Variants in JRK observed in about 807,000 individuals in gnomAD.
JRK encodes jerky protein homolog.
For missense variants in JRK, 720 were observed against 509.2 expected (o/e 1.41, Z -3.98); for synonymous variants, 303 against 218.1 (o/e 1.39, Z -3.43).
the JRK span, among the ~76,000 whole-genome samples, chr8:142,649,492 C>T: frequency 6.6e-6 from 1 of 152,236 alleles, no homozygotes; most frequent in Non-Finnish European, 1.5e-5. Flanking sequence ...TTGCCTGCTG[C>T]TATCCATGTA....
rs1355583891 is a variant in JRK at position 142,663,079 on chromosome 8, G to A, written c.*1273C>T. On this transcript the variant is annotated 3_prime_UTR_variant, in exon 2 of 2. Coordinates refer to ENST00000612905, the MANE Select transcript of JRK (RefSeq NM_003724.4). ...GGGGCGGGAGGATCACTCAAGCCAG[G>A]GAGGTCGAGGCTGCAGTGAGCTGGG... 1.2e-6 allele frequency: 1 copy of A among 848,754 alleles called. No homozygotes were observed. Among genetic ancestry groups the A allele is most frequent in the Non-Finnish European group, 1.4e-6 (1 of 705,544 alleles). The allele number at this position is 848,754 out of a possible 1,614,324, so 52.6% of individuals were successfully genotyped here. A position where few individuals can be genotyped will look rare whatever the true frequency, so the allele number is the denominator to read the frequency against.
chr8:142,654,002 G>A (rs1465526845), downstream of JRK, among the ~76,000 whole-genome samples: 1 of 152,192 alleles, frequency 6.6e-6, no homozygotes, highest in East Asian at 1.9e-4. Context: ...TTGGCAGTGG[G>A]CAAGAAGTAC....
downstream of JRK, among the ~76,000 whole-genome samples, chr8:142,654,588 C>T (rs1427522106): frequency 1.3e-5 from 2 of 151,958 alleles, no homozygotes; most frequent in Non-Finnish European, 2.9e-5. Context: ...CACAGACTCC[C>T]ACCAGCCCTC....
downstream of JRK, among the ~76,000 whole-genome samples, chr8:142,653,171 T>C (rs1554633347): frequency 6.6e-6 from 1 of 152,228 alleles, no homozygotes; most frequent in African/African-American, 2.4e-5. Flanking sequence ...ATTTAGTTTG[T>C]AATTTAAATG....
At chr8:142,650,841 AT>A in the JRK span, among the ~76,000 whole-genome samples, 2 of 152,208 alleles carry the variant, frequency 1.3e-5, no homozygotes, top group Admixed American at 1.3e-4. Context: ...TGCAATAACT[AT>A]TTTAGTTAAA....
Position 142,665,477 on chromosome 8 carries a change from C to A in JRK, c.582G>T (p.Arg194=), listed in dbSNP as rs1479855674. The A allele has an allele frequency of 2.8e-6, 2 of 717,904 alleles. No homozygotes were observed. The highest frequency in any genetic ancestry group is 5.2e-6 in the Non-Finnish European group (2 of 385,104). 44.5% of individuals were successfully genotyped at this position (717,904 alleles called of 1,614,324 possible). A position where few individuals can be genotyped will look rare whatever the true frequency, so the allele number is the denominator to read the frequency against. The part of the protein sequence containing the change: ...YNADETGLFW[R]CLPNPTPEGG... The stretch of plus-strand genomic sequence containing the variant: ...CTTCCGGAGTGGGATTTGGCAGGCA[C>A]CGCCAGAAAAGGCCGGTCTCATCAG... The change falls in exon 2 of 2, where the codon CGG becomes CGT. Residue 194 remains arginine (R), a synonymous_variant. Transcript: ENST00000612905.
chr8:142,669,935 G>C lies in JRK; in HGVS notation c.-466C>G, dbSNP rs1260786915. On this transcript the variant is annotated 5_prime_UTR_variant, in exon 1 of 2. Transcript: ENST00000612905. ...CTCAGGCCAGGACCCTACTCACCCT[G>C]CTCACCCGGAGCAGCCGCCGCCGGC... 2 of 153,138 alleles carry C rather than the reference G, an allele frequency of 1.3e-5. No homozygotes were observed. Among genetic ancestry groups the C allele is most frequent in the Non-Finnish European group, 1.5e-5 (1 of 68,318 alleles). 9.5% of individuals were successfully genotyped at this position (153,138 alleles called of 1,614,324 possible). A position where few individuals can be genotyped will look rare whatever the true frequency, so the allele number is the denominator to read the frequency against.
chr8:142,664,475 C>T lies in JRK; in HGVS notation c.1584G>A (p.Val528=). 6.2e-7 allele frequency: 1 copy of T among 1,611,316 alleles called. No homozygotes were observed. The highest frequency in any genetic ancestry group is 8.5e-7 in the Non-Finnish European group (1 of 1,179,078). ...CCCCGAGGGCACCACGCCGCCTCCT[C>T]ACCTGCTGCTGGCTCCGGAACACGG... The part of the protein sequence containing the change: ...LRAVFRSQQQ[V]RRRRGALGAV... The change falls in exon 2 of 2, where the codon GTG becomes GTA. Residue 528 remains valine (V), a synonymous_variant. Coordinates refer to ENST00000612905, the MANE Select transcript of JRK (RefSeq NM_003724.4).
the JRK span, among the ~76,000 whole-genome samples, chr8:142,649,147 A>G: frequency 6.6e-6 from 1 of 152,210 alleles, no homozygotes; most frequent in Non-Finnish European, 1.5e-5. Flanking sequence ...CGTAGGTGGG[A>G]GGAACTTTCC....
chr8:142,665,369 G>A lies in JRK; in HGVS notation c.690C>T (p.Leu230=), dbSNP rs587615143. 2 of 717,510 alleles carry A rather than the reference G, an allele frequency of 2.8e-6. No individual in the cohort carries two copies. The highest frequency in any genetic ancestry group is 5.2e-6 in the Non-Finnish European group (2 of 385,100). The allele number at this position is 717,510 out of a possible 1,614,324, so 44.4% of individuals were successfully genotyped here. The change falls in exon 2 of 2, where the codon CTC becomes CTT. Residue 230 remains leucine, a synonymous_variant. Coordinates refer to ENST00000612905, the MANE Select transcript of JRK (RefSeq NM_003724.4). ...TGCACTTCCCGATGGCCAAGGGCTT[G>A]AGCCTGTGGGAGCCCGTGGCGTTGG... is the stretch of plus-strand genomic sequence containing the variant. ...MCANATGSHR[L]KPLAIGKCSG...
chr8:142,650,430 A>G, the JRK span, among the ~76,000 whole-genome samples: 3 of 152,232 alleles, frequency 2.0e-5, no homozygotes, highest in African/African-American at 7.2e-5. Flanking sequence ...TCTGTGTCCT[A>G]CCAAAATCTC....
At position 142,663,661 on chromosome 8, in the gene JRK, T is replaced by C. The variant is rs1401917291; in HGVS notation, c.*691A>G. On this transcript the variant is annotated 3_prime_UTR_variant, in exon 2 of 2. Coordinates refer to ENST00000612905, the MANE Select transcript of JRK (RefSeq NM_003724.4). ...CTTCCCAGAAAGGAACTCTACCAAG[T>C]CAACTCTCCGTGGGGCCCCCCAACA... is the stretch of plus-strand genomic sequence containing the variant. The C allele has an allele frequency of 1.0e-6, 1 of 985,298 alleles. No individual in the cohort carries two copies. The highest frequency in any genetic ancestry group is 1.7e-5 in the African/African-American group (1 of 57,246). 61.0% of individuals were successfully genotyped at this position (985,298 alleles called of 1,614,324 possible). A position where few individuals can be genotyped will look rare whatever the true frequency, so the allele number is the denominator to read the frequency against.
Position 142,664,343 on chromosome 8 carries a change from G to C in JRK, c.*9C>G. On this transcript the variant is annotated 3_prime_UTR_variant, in exon 2 of 2. Coordinates refer to ENST00000612905, the MANE Select transcript of JRK (RefSeq NM_003724.4). ...CAGGGCCAGTGGCCAGGGCAGGGCA[G>C]AGAAGCCATCAGTTGTCACCTGCTG... 1.3e-6 allele frequency: 2 copies of C among 1,548,382 alleles called. No individual in the cohort carries two copies. The highest frequency in any genetic ancestry group is 2.3e-5 in the East Asian group (1 of 44,098).
At chr8:142,655,416 C>A (rs782301528), downstream of JRK, among the ~76,000 whole-genome samples, 3 of 152,202 alleles carry the variant, frequency 2.0e-5, no homozygotes, top group Non-Finnish European at 4.4e-5. Context: ...ACAACAGGTG[C>A]CACCAGGACT....
At chr8:142,655,148 C>T (rs1389148684), downstream of JRK, among the ~76,000 whole-genome samples, 2 of 152,184 alleles carry the variant, frequency 1.3e-5, no homozygotes, top group African/African-American at 4.8e-5. Context: ...AGTGCCAGTT[C>T]TCCTTCCCCA....
downstream of JRK, among the ~76,000 whole-genome samples, chr8:142,654,453 T>C (rs952579462): frequency 6.6e-6 from 1 of 151,930 alleles, no homozygotes; most frequent in Non-Finnish European, 1.5e-5. Context: ...CAAGGAATGT[T>C]TGTGAGGCTC....
chr8:142,647,182 A>C, the JRK span, among the ~76,000 whole-genome samples: 1 of 152,210 alleles, frequency 6.6e-6, no homozygotes, highest in Admixed American at 6.5e-5. Context: ...CTCTAGACAG[A>C]GCCCACACTG....
At position 142,668,575 on chromosome 8, in the gene JRK, G is replaced by C. The variant is rs79782426; in HGVS notation, c.-463+1357C>G. 6.8e-3 allele frequency among the ~76,000 whole-genome samples: 1,026 copies of C among 151,920 alleles called. 9 individuals are homozygous for C. The highest frequency in any genetic ancestry group is 0.011 in the Non-Finnish European group (745 of 67,984). ...GGGGGAGACACGGAATCCCACAGTAGCTTATGAGGGACTAACTGGGGACTG... is the reference window on the plus strand; with the variant it reads ...GGGGGAGACACGGAATCCCACAGTACCTTATGAGGGACTAACTGGGGACTG... On this transcript the variant is annotated intron_variant, in intron 1 of 1. Transcript: ENST00000612905.
chr8:142,653,131 T>C (rs1554633344), downstream of JRK, among the ~76,000 whole-genome samples: 1 of 152,214 alleles, frequency 6.6e-6, no homozygotes, highest in East Asian at 1.9e-4. Flanking sequence ...TGATCACTTC[T>C]GGGAGTGGGC....
Sources: gnomAD v4.1 joint callset for allele counts (sites outside exome capture counted in the v4.1 genomes callset) on GRCh38, gnomAD v4.1.1 for gene constraint, MANE v1.5 for transcripts, NCBI Gene and HGNC (gene_info 2026-07-23, HGNC 2026-07-21) for gene names.